The following POU1F1 variants were observed in gnomAD, a reference collection of about 807,000 sequenced individuals.
POU1F1 encodes pituitary-specific positive transcription factor 1.
A neutral mutation model predicts 32.3 loss-of-function variants in POU1F1; 23 were observed. The observed-to-expected ratio is 0.71, with a 90% CI of 0.51 to 1.01. The LOEUF is 1.01. Ranked by LOEUF, POU1F1 falls within the 50% of genes least tolerant of loss-of-function variation. POU1F1 has a pLI of 0.00. For synonymous variants in POU1F1, 120 were observed against 115.6 expected, an observed-to-expected ratio of 1.04 and a Z score of -0.25; for missense variants, 323 against 341.6, an observed-to-expected ratio of 0.95 and a Z score of 0.43.
chr3:87,260,070 C>T lies in POU1F1; in HGVS notation c.700G>A (p.Gly234Arg). 1 of 1,613,880 alleles carries T rather than the reference C, an allele frequency of 6.2e-7. No individual in the cohort carries two copies. The highest frequency in any genetic ancestry group is 1.1e-5 in the South Asian group (1 of 91,058). ...TGAGAAGAAGGTTTATTCTGTTCTCCAAAGTGTCTCTCCAGAGCATCTTTA... is the reference window on the plus strand; with the variant it reads ...TGAGAAGAAGGTTTATTCTGTTCTCTAAAGTGTCTCTCCAGAGCATCTTTA... Reference protein sequence around the residue: ...AAKDALERHFGEQNKPSSQEI... With the variant: ...AAKDALERHFREQNKPSSQEI... The change falls in exon 6 of 6, where the codon GGA becomes AGA. Residue 234 changes from glycine (G) to arginine (R), a missense_variant. Gly to Arg is a moderately radical substitution (Grantham distance 125). Transcript: ENST00000350375.
At chr3:87,273,911 G>A (rs72563141) in intron 1 of POU1F1, among the ~76,000 whole-genome samples, 3,092 of 152,226 alleles carry the variant, frequency 0.02, 54 homozygotes, top group African/African-American at 0.042. Context: ...CTTGAACAGC[G>A]TATTTTTGCT....
chr3:87,273,513 T>TA, intron 1 of POU1F1, 95 bp from the exon 2 acceptor site: 1 of 1,574,358 alleles, frequency 6.4e-7, no homozygotes, highest in Non-Finnish European at 8.6e-7. Context: ...AGAAAATGTA[T>TA]AAGGATTCAA....
chr3:87,262,934 A>G (rs1462034067), intron 3 of POU1F1, among the ~76,000 whole-genome samples: 1 of 152,174 alleles, frequency 6.6e-6, no homozygotes. Context: ...AATTTCACAA[A>G]GATTCCTACT....
chr3:87,267,408 C>T (rs532495727), intron 2 of POU1F1, among the ~76,000 whole-genome samples: 3 of 152,284 alleles, frequency 2.0e-5, no homozygotes, highest in South Asian at 4.1e-4. Flanking sequence ...CAGTAAGCCA[C>T]ATCAAAATCA....
chr3:87,274,501 A>G (rs1046145021), intron 1 of POU1F1, among the ~76,000 whole-genome samples: 1 of 151,764 alleles, frequency 6.6e-6, no homozygotes, highest in Admixed American at 6.6e-5. Flanking sequence ...GCCTTTCTTC[A>G]TAAAGTAAAA....
In POU1F1 at chr3:87,262,386, T is replaced by C. The variant is rs1490901476; in HGVS notation, c.440-151A>G. The C allele has an allele frequency of 3.6e-6, 3 of 831,854 alleles. No individual in the cohort carries two copies. In the Admixed American group the frequency reaches 8.0e-5, roughly 22 times the overall value. The allele number at this position is 831,854 out of a possible 1,614,324, so 51.5% of individuals were successfully genotyped here. A position where few individuals can be genotyped will look rare whatever the true frequency, so the allele number is the denominator to read the frequency against. On this transcript the variant is annotated intron_variant, in intron 3 of 5. Transcript: ENST00000350375. ...GCAAATCAGAATTATTTAGTAAGAT[T>C]CATTATACTTTGAAGTACTTGTGCA... is the stretch of plus-strand genomic sequence containing the variant.
chr3:87,259,715 A>G lies in POU1F1; in HGVS notation c.*179T>C. 1.7e-6 allele frequency: 1 copy of G among 605,864 alleles called. No homozygotes were observed. The highest frequency in any genetic ancestry group is 2.9e-5 in the East Asian group (1 of 34,540). 37.5% of individuals were successfully genotyped at this position (605,864 alleles called of 1,614,324 possible). A position where few individuals can be genotyped will look rare whatever the true frequency, so the allele number is the denominator to read the frequency against. ...TTCTGAGAATAATTATTTTAAGTAA[A>G]TAACATCAATATAATTTAAATTGTT... On this transcript the variant is annotated 3_prime_UTR_variant, in exon 6 of 6. Coordinates refer to ENST00000350375, the MANE Select transcript of POU1F1 (RefSeq NM_000306.4).
intron 3 of POU1F1, among the ~76,000 whole-genome samples, chr3:87,262,934 A>T (rs1462034067): frequency 6.6e-6 from 1 of 152,174 alleles, no homozygotes; most frequent in Non-Finnish European, 1.5e-5. Context: ...AATTTCACAA[A>T]GATTCCTACT....
chr3:87,270,010 C>T (rs901392143), intron 2 of POU1F1, among the ~76,000 whole-genome samples: 2 of 152,020 alleles, frequency 1.3e-5, no homozygotes, highest in African/African-American at 4.8e-5. Context: ...ATCTCAGAAA[C>T]CCAAGAGTCA....
In POU1F1 at chr3:87,259,917, T is replaced by G; in HGVS notation, c.853A>C (p.Lys285Gln). 1.2e-6 allele frequency: 2 copies of G among 1,614,112 alleles called. No individual in the cohort carries two copies. The highest frequency in any genetic ancestry group is 4.5e-5 in the East Asian group (2 of 44,874). The stretch of plus-strand genomic sequence containing the variant: ...TCTTATCTGCACTCAAGATGTTCCT[T>G]AGAAATAGAAAATAAACTCTGATTC... ...SLNQSLFSIS[K>Q]EHLECR is the part of the protein sequence containing the mutation. Residue 285 changes from lysine (K) to glutamine (Q), a missense_variant, in exon 6 of 6, where the codon AAG (lysine) becomes CAG (glutamine). Coordinates refer to ENST00000350375, the MANE Select transcript of POU1F1 (RefSeq NM_000306.4).
At chr3:87,262,794 A>T (rs1342639812) in intron 3 of POU1F1, among the ~76,000 whole-genome samples, 1 of 152,078 alleles carries the variant, frequency 6.6e-6, no homozygotes, top group African/African-American at 2.4e-5. Flanking sequence ...AGCCCATTTT[A>T]TAGTTTTTGA....
At chr3:87,267,458 A>T (rs192737781) in intron 2 of POU1F1, among the ~76,000 whole-genome samples, 41 of 152,332 alleles carry the variant, frequency 2.7e-4, no homozygotes, top group Admixed American at 7.2e-4. Context: ...ACTCAGGCAA[A>T]TTAAATAACT....
intron 2 of POU1F1, among the ~76,000 whole-genome samples, chr3:87,269,496 A>G (rs1706685882): frequency 1.3e-5 from 2 of 152,164 alleles, no homozygotes; most frequent in South Asian, 4.1e-4. Flanking sequence ...TTACAACCAG[A>G]ACAATTTAGG....
At chr3:87,260,819 A>G (rs2106926268) in intron 5 of POU1F1, among the ~76,000 whole-genome samples, 1 of 151,976 alleles carries the variant, frequency 6.6e-6, no homozygotes, top group South Asian at 2.1e-4. Context: ...AATGTTGAAA[A>G]TTATTAGCTC....
rs1244662553 is a variant in POU1F1, at chr3:87,260,089, A to T, written c.681T>A (p.Asp227Glu). 1 of 1,613,766 alleles carries T rather than the reference A, an allele frequency of 6.2e-7. No individual in the cohort carries two copies. The highest frequency in any genetic ancestry group is 8.5e-7 in the Non-Finnish European group (1 of 1,179,860). Residue 227 changes from aspartate (D) to glutamate (E), a missense_variant, in exon 6 of 6, where the codon GAT becomes GAA. Transcript: ENST00000350375. ...RRTTISIAAK[D>E]ALERHFGEQN... ...GTTCTCCAAAGTGTCTCTCCAGAGC[A>T]TCTTTAGCAGCAATGCTGGCGGGGG...
chr3:87,273,275 A>G (rs1471004564), intron 2 of POU1F1, 72 bp downstream of exon 2: 1 of 1,456,324 alleles, frequency 6.9e-7, no homozygotes, highest in East Asian at 2.3e-5. Context: ...TCTGATCACA[A>G]TTCTTTCAGG....
intron 2 of POU1F1, among the ~76,000 whole-genome samples, chr3:87,268,434 A>T (rs1208738459): frequency 6.6e-6 from 1 of 152,018 alleles, no homozygotes; most frequent in African/African-American, 2.4e-5. Context: ...GCATGAAAGT[A>T]TCTACAATTA....
chr3:87,273,820 G>A (rs540280359), intron 1 of POU1F1, among the ~76,000 whole-genome samples: 3 of 152,202 alleles, frequency 2.0e-5, no homozygotes, highest in East Asian at 1.9e-4. Flanking sequence ...GCAACTCGCC[G>A]ACTAGAAGAA....
At chr3:87,266,204 T>A (rs979648045) in intron 2 of POU1F1, among the ~76,000 whole-genome samples, 8 of 146,890 alleles carry the variant, frequency 5.4e-5, no homozygotes, top group African/African-American at 2.0e-4. Context: ...TATGTAATCA[T>A]AAATATGTAG....
Sources: allele counts gnomAD v4.1 joint callset (sites outside exome capture counted in the v4.1 genomes callset), GRCh38; gene constraint gnomAD v4.1.1; transcripts MANE v1.5; gene names NCBI Gene and HGNC (gene_info 2026-07-23, HGNC 2026-07-21).